PLAT: variants seen among roughly 807,000 people sequenced by gnomAD.
PLAT encodes the protein plasminogen activator, tissue type.
A neutral mutation model predicts 74.9 loss-of-function variants in PLAT; 48 were observed. The ratio of observed to expected loss-of-function variants is 0.64; its 90% CI spans 0.51 to 0.82. The LOEUF is 0.82. Ranked by LOEUF, PLAT falls within the 40% of genes least tolerant of loss-of-function variation. The pLI, the probability that PLAT is intolerant of heterozygous loss-of-function variation, is 0.00. For missense variants in PLAT, 673 were observed against 736.2 expected (o/e 0.91, Z 0.99); for synonymous variants, 307 against 294.4 (o/e 1.04, Z -0.44).
chr8:42,202,923 C>T (rs1356277653), intron 1 of PLAT, among the ~76,000 whole-genome samples: 3 of 152,156 alleles, frequency 2.0e-5, no homozygotes, highest in East Asian at 1.9e-4. Flanking sequence ...CACATCCCCA[C>T]GGCTTGGCTC....
chr8:42,194,805 C>T (rs1017792060), intron 1 of PLAT, among the ~76,000 whole-genome samples: 14 of 146,476 alleles, frequency 9.6e-5, no homozygotes, highest in Non-Finnish European at 1.5e-4. Flanking sequence ...CCCCCCCCAC[C>T]GCTCTGCCAG....
chr8:42,175,890 G>T lies in PLAT; in HGVS notation c.*103C>A, dbSNP rs979201254. 5 of 1,109,550 alleles carry T rather than the reference G, an allele frequency of 4.5e-6. No individual in the cohort carries two copies. The highest frequency in any genetic ancestry group is 4.1e-5 in the Admixed American group (2 of 49,024). 68.7% of individuals were successfully genotyped at this position (1,109,550 alleles called of 1,614,324 possible). A position where few individuals can be genotyped will look rare whatever the true frequency, so the allele number is the denominator to read the frequency against. On this transcript the variant is annotated 3_prime_UTR_variant, in exon 14 of 14. Transcript: ENST00000220809. ...GGTCTCGTCCCGCTTCTGCGGTGTG[G>T]TGGGTCTGGAGAAGTCTGTAGAGAA...
intron 2 of PLAT, 106 bp downstream of exon 2, chr8:42,193,008 C>T (rs1000294694): frequency 1.9e-5 from 15 of 773,576 alleles, no homozygotes; most frequent in Non-Finnish European, 3.4e-5. Context: ...CCTCTCTGCT[C>T]CCTGACAGCA....
At chr8:42,198,364 C>T (rs1050367813) in intron 1 of PLAT, among the ~76,000 whole-genome samples, 57 of 152,190 alleles carry the variant, frequency 3.7e-4, no homozygotes, top group African/African-American at 1.3e-3. Context: ...TGGTGGCGGG[C>T]GCCTATAATC....
At position 42,176,149 on chromosome 8, in the gene PLAT, G is replaced by A. The variant is rs769409321; in HGVS notation, c.1533C>T (p.Gly511=). 1.6e-5 allele frequency: 25 copies of A among 1,612,554 alleles called. No homozygotes were observed. Among genetic ancestry groups the A allele is most frequent in the Admixed American group, 5.0e-5 (3 of 59,810 alleles). The change falls in exon 14 of 14, where the codon GGC becomes GGT. Residue 511 remains glycine (G), a splice_region_variant and synonymous_variant. Coordinates refer to ENST00000220809, the MANE Select transcript of PLAT (RefSeq NM_000930.5). ...GACACACCAGGGGGCCTCCCGAATC[G>A]CCCTGCAAAGGAGATAGCAGGTTTG... ...PQANLHDACQ[G]DSGGPLVCLN...
In PLAT at chr8:42,178,922, TG is replaced by T; in HGVS notation, c.1504del (p.Gln502ArgfsTer19). 1.2e-6 allele frequency: 2 copies of T among 1,613,630 alleles called. No individual in the cohort carries two copies. The highest frequency in any genetic ancestry group is 1.7e-6 in the Non-Finnish European group (2 of 1,179,992). ...CAGDTRSGGP[Q>X]ANLHDACQGD... ...CTGGCAGGCGTCGTGCAAGTTTGCC[TG>T]GGGCCCGCCGCTCCGAGTGTCTCCA... On this transcript the variant is annotated frameshift_variant, in exon 13 of 14. Coordinates refer to ENST00000220809, the MANE Select transcript of PLAT (RefSeq NM_000930.5). LOFTEE classifies it high-confidence loss of function.
In PLAT at chr8:42,203,356, G is replaced by A. The variant is rs568078738; in HGVS notation, c.-27+4138C>T. On this transcript the variant is annotated intron_variant, in intron 1 of 13. Coordinates refer to ENST00000220809, the MANE Select transcript of PLAT (RefSeq NM_000930.5). ...GGCCTGTTAGCCAAGTCGCTGCTGG[G>A]TCTTGGCCATTGGTGTGTGCAATTC... Among the ~76,000 whole-genome samples the A allele has an allele frequency of 3.0e-3, 459 of 152,286 alleles. 3 individuals carry two copies. Among genetic ancestry groups the A allele is most frequent in the Non-Finnish European group, 4.6e-3 (312 of 68,024 alleles).
chr8:42,189,850 C>T lies in PLAT; in HGVS notation c.116-779G>A, dbSNP rs566949882. 2.0e-5 allele frequency among the ~76,000 whole-genome samples: 3 copies of T among 151,942 alleles called. No individual in the cohort carries two copies. In the East Asian group the frequency reaches 5.9e-4, roughly 30 times the overall value. ...CTGATCTCAAGTGATCCACCCACCT[C>T]GGTCTCCCAAAGTGCTGGGGTTACA... On this transcript the variant is annotated intron_variant, in intron 3 of 13. Coordinates refer to ENST00000220809, the MANE Select transcript of PLAT (RefSeq NM_000930.5).
chr8:42,181,282 T>A (rs1445762368), intron 9 of PLAT, among the ~76,000 whole-genome samples: 1 of 152,202 alleles, frequency 6.6e-6, no homozygotes, highest in East Asian at 1.9e-4. Context: ...AATAACCTAC[T>A]CTCTGGCCAT....
intron 1 of PLAT, among the ~76,000 whole-genome samples, chr8:42,194,241 AGTGTGTGTGTGTGTGTGTGT>A (rs36208802): frequency 7.6e-5 from 4 of 52,544 alleles, no homozygotes; most frequent in South Asian, 7.2e-4. Flanking sequence ...AGAGAGAGAG[AGTGTGTGTGTGTGTGTGTGT>A]GTGTGTGTGT....
chr8:42,176,836 A>T (rs984440896), intron 13 of PLAT, among the ~76,000 whole-genome samples: 2 of 152,224 alleles, frequency 1.3e-5, no homozygotes, highest in Non-Finnish European at 2.9e-5. Context: ...GTTTTTATTA[A>T]CCTTTCTTAA....
In PLAT at chr8:42,191,476, C is replaced by T. The variant is rs908349371; in HGVS notation, c.73-62G>A. 23 of 1,519,252 alleles carry T rather than the reference C, an allele frequency of 1.5e-5. No homozygotes were observed. The Admixed American group carries it at 2.5e-4, about 17-fold the overall frequency. 94.1% of individuals were successfully genotyped at this position (1,519,252 alleles called of 1,614,324 possible). ...ATGCCAGGTGTACTAAGAGTAAAGG[C>T]GGCCAACCCAGAAGCCCATGTGAAC... is the stretch of plus-strand genomic sequence containing the variant. On this transcript the variant is annotated intron_variant, in intron 2 of 13. Transcript: ENST00000220809.
In PLAT at chr8:42,175,892, G is replaced by A; in HGVS notation, c.*101C>T. On this transcript the variant is annotated 3_prime_UTR_variant, in exon 14 of 14. Transcript: ENST00000220809. ...TCTCGTCCCGCTTCTGCGGTGTGGT[G>A]GGTCTGGAGAAGTCTGTAGAGAAGC... 8.9e-7 allele frequency: 1 copy of A among 1,122,220 alleles called. No homozygotes were observed. The allele number at this position is 1,122,220 out of a possible 1,614,324, so 69.5% of individuals were successfully genotyped here. A position where few individuals can be genotyped will look rare whatever the true frequency, so the allele number is the denominator to read the frequency against.
intron 1 of PLAT, among the ~76,000 whole-genome samples, chr8:42,200,411 A>G (rs1259166534): frequency 1.3e-5 from 2 of 152,138 alleles, no homozygotes; most frequent in Non-Finnish European, 2.9e-5. Flanking sequence ...GTGGTGGCTC[A>G]CATCTGTAAT....
rs1410992259 is a variant in PLAT, at chr8:42,176,980, TG to T, written c.1531-830del. On this transcript the variant is annotated intron_variant, in intron 13 of 13. Coordinates refer to ENST00000220809, the MANE Select transcript of PLAT (RefSeq NM_000930.5). ...TCACTCTTCTTTTTTTGTTTTTTTT[TG>T]TTTTTTTGTTTTGAGACAGAGTCTC... Among the ~76,000 whole-genome samples the T allele has an allele frequency of 2.7e-4, 41 of 152,208 alleles. No individual in the cohort carries two copies. In the East Asian group the frequency reaches 6.6e-3, roughly 24 times the overall value.
chr8:42,177,922 C>G (rs1442961486), intron 13 of PLAT, among the ~76,000 whole-genome samples: 2 of 152,190 alleles, frequency 1.3e-5, no homozygotes, highest in Non-Finnish European at 2.9e-5. Flanking sequence ...TCTCTTCTAC[C>G]CCCAGCCCCT....
In PLAT at chr8:42,188,995, G is replaced by C; in HGVS notation, c.192C>G (p.Asn64Lys). 6.2e-7 allele frequency: 1 copy of C among 1,613,966 alleles called. No homozygotes were observed. The highest frequency in any genetic ancestry group is 2.2e-5 in the East Asian group (1 of 44,884). The change falls in exon 4 of 14, where the codon AAC (asparagine) becomes AAG (lysine). Residue 64 changes from asparagine (N) to lysine (K), a missense_variant. By Grantham distance (94) the Asn-to-Lys change is moderately conservative (BLOSUM62 0). Coordinates refer to ENST00000220809, the MANE Select transcript of PLAT (RefSeq NM_000930.5). The stretch of plus-strand genomic sequence containing the variant: ...TGTTGCACCAGCAATATTCCACCCG[G>C]TTGCTTCTGAGCACAGGGCGCAGCC... ...QSWLRPVLRS[N>K]RVEYCWCNSG...
rs1945680057 is a variant in PLAT at position 42,193,166 on chromosome 8, C to T, written c.20G>A (p.Gly7Glu). ...ACACAGCAGCAGCACACAGCAGAGC[C>T]CTCTCTTCATTGCATCCATGATTGC... MDAMKR[G>E]LCCVLLLCGA... The change falls in exon 2 of 14, where the codon GGG becomes GAG. Residue 7 changes from glycine to glutamate, a missense_variant. Gly to Glu is a moderately conservative substitution (Grantham distance 98). Coordinates refer to ENST00000220809, the MANE Select transcript of PLAT (RefSeq NM_000930.5). 5 of 1,613,948 alleles carry T rather than the reference C, an allele frequency of 3.1e-6. No homozygotes were observed. The highest frequency in any genetic ancestry group is 4.2e-6 in the Non-Finnish European group (5 of 1,179,878).
chr8:42,194,243 T>TGA (rs1805819337), intron 1 of PLAT, among the ~76,000 whole-genome samples: 1 of 24,764 alleles, frequency 4.0e-5, no homozygotes, highest in Admixed American at 5.1e-4. Context: ...AGAGAGAGAG[T>TGA]GTGTGTGTGT....
Sources: allele counts gnomAD v4.1 joint callset (sites outside exome capture counted in the v4.1 genomes callset), GRCh38; gene constraint gnomAD v4.1.1; transcripts MANE v1.5; gene names NCBI Gene and HGNC (gene_info 2026-07-23, HGNC 2026-07-21).